Variants in B3GALT1 observed in about 807,000 individuals in gnomAD.
B3GALT1 encodes beta-1,3-galactosyltransferase 1.
B3GALT1 carries 10 observed loss-of-function variants against 23.2 expected under a neutral mutation model. The ratio of observed to expected loss-of-function variants is 0.43; its 90% CI spans 0.27 to 0.73. The LOEUF (loss-of-function observed/expected upper bound fraction) is 0.73. B3GALT1 is among the 30% of genes least tolerant of loss of function. B3GALT1 has a pLI of 0.21. For synonymous variants in B3GALT1, 156 were observed against 141.5 expected (o/e 1.10, Z -0.73); for missense variants, 299 against 405.4 (o/e 0.74, Z 2.25).
At chr2:167,429,490 C>T (rs1698675848) in intron 1 of B3GALT1, among the ~76,000 whole-genome samples, 1 of 151,894 alleles carries the variant, frequency 6.6e-6, no homozygotes, top group Non-Finnish European at 1.5e-5. Context: ...AACCAAGTAT[C>T]TAGAGAAACA....
chr2:167,870,076 G>C lies in B3GALT1; in HGVS notation c.*56G>C. The C allele has an allele frequency of 1.1e-5, 16 of 1,488,170 alleles. No individual in the cohort carries two copies. The highest frequency in any genetic ancestry group is 1.4e-5 in the Non-Finnish European group (16 of 1,112,118). 92.2% of individuals were successfully genotyped at this position (1,488,170 alleles called of 1,614,324 possible). A position where few individuals can be genotyped will look rare whatever the true frequency, so the allele number is the denominator to read the frequency against. ...CTTTTTTTAAGAAATGGGACCTAAG[G>C]TGTTGGTATTTTCCAGGTGTCGGGG... On this transcript the variant is annotated 3_prime_UTR_variant, in exon 5 of 5. Transcript: ENST00000392690.
intron 3 of B3GALT1, among the ~76,000 whole-genome samples, chr2:167,785,893 C>G (rs1688335726): frequency 1.3e-5 from 2 of 152,196 alleles, no homozygotes; most frequent in African/African-American, 4.8e-5. Flanking sequence ...TGACAAAGCT[C>G]TGTTCACCCT....
At chr2:167,379,849 A>G (rs1261406376) in intron 1 of B3GALT1, among the ~76,000 whole-genome samples, 2 of 152,220 alleles carry the variant, frequency 1.3e-5, no homozygotes, top group African/African-American at 4.8e-5. Flanking sequence ...CTTGTCTTCA[A>G]GTTCTCTGCA....
intron 3 of B3GALT1, among the ~76,000 whole-genome samples, chr2:167,691,477 A>T (rs182102462): frequency 2.0e-5 from 3 of 152,316 alleles, no homozygotes; most frequent in Admixed American, 2.0e-4. Flanking sequence ...CACATTTAGT[A>T]AAAATTAATA....
At chr2:167,380,851 A>G (rs1697838536) in intron 1 of B3GALT1, among the ~76,000 whole-genome samples, 1 of 152,008 alleles carries the variant, frequency 6.6e-6, no homozygotes, top group South Asian at 2.1e-4. Context: ...CATCAATCAG[A>G]TGCTATCATG....
chr2:167,461,623 T>G (rs1006770875), intron 1 of B3GALT1, among the ~76,000 whole-genome samples: 33 of 152,124 alleles, frequency 2.2e-4, no homozygotes, highest in African/African-American at 8.0e-4. Context: ...TTATATTTAT[T>G]TGATAATGAA....
At chr2:167,439,169 AT>A (rs1464517764) in intron 1 of B3GALT1, among the ~76,000 whole-genome samples, 1 of 152,180 alleles carries the variant, frequency 6.6e-6, no homozygotes, top group Non-Finnish European at 1.5e-5. Flanking sequence ...TCATTCTTTG[AT>A]ACCTGACATA....
chr2:167,583,265 T>C (rs909754238), intron 2 of B3GALT1, among the ~76,000 whole-genome samples: 2 of 152,220 alleles, frequency 1.3e-5, no homozygotes, highest in Non-Finnish European at 2.9e-5. Context: ...GGGGCAGACA[T>C]TTCTTTTATT....
At chr2:167,781,653 G>A (rs1334855741) in intron 3 of B3GALT1, among the ~76,000 whole-genome samples, 1 of 152,166 alleles carries the variant, frequency 6.6e-6, no homozygotes, top group Non-Finnish European at 1.5e-5. Context: ...TCCCTCTCAG[G>A]CAGGGAATGG....
At chr2:167,556,121 T>A (rs953575185) in intron 2 of B3GALT1, among the ~76,000 whole-genome samples, 2 of 152,098 alleles carry the variant, frequency 1.3e-5, no homozygotes, top group African/African-American at 4.8e-5. Context: ...AGCATCACAT[T>A]TTCAATGGTA....
intron 2 of B3GALT1, among the ~76,000 whole-genome samples, chr2:167,545,102 T>A (rs1683610196): frequency 7.6e-6 from 1 of 132,052 alleles, no homozygotes; most frequent in Admixed American, 8.9e-5. Context: ...TGGCACGATC[T>A]CTACTCACTG....
chr2:167,691,440 ATAAT>A (rs994224709), intron 3 of B3GALT1, among the ~76,000 whole-genome samples: 2 of 152,178 alleles, frequency 1.3e-5, no homozygotes, highest in Non-Finnish European at 2.9e-5. Context: ...ATCAAAACAT[ATAAT>A]TAAAGGTTTA....
intron 3 of B3GALT1, among the ~76,000 whole-genome samples, chr2:167,738,161 G>A (rs890068175): frequency 2.0e-5 from 3 of 152,140 alleles, no homozygotes; most frequent in Non-Finnish European, 4.4e-5. Flanking sequence ...GACAGACAAG[G>A]TTGTAAGAAA....
At chr2:167,421,851 C>CCA (rs890536123) in intron 1 of B3GALT1, among the ~76,000 whole-genome samples, 1 of 152,114 alleles carries the variant, frequency 6.6e-6, no homozygotes, top group Admixed American at 6.6e-5. Flanking sequence ...ATGAAAAGAT[C>CCA]CACAGTCTTA....
chr2:167,657,525 T>G (rs1205665899), intron 3 of B3GALT1, among the ~76,000 whole-genome samples: 1 of 152,122 alleles, frequency 6.6e-6, no homozygotes, highest in Admixed American at 6.6e-5. Context: ...TACATCTGCT[T>G]GTAATTCACA....
intron 3 of B3GALT1, among the ~76,000 whole-genome samples, chr2:167,793,256 T>A (rs1688478026): frequency 6.6e-6 from 1 of 152,130 alleles, no homozygotes; most frequent in Non-Finnish European, 1.5e-5. Flanking sequence ...CACCTAGTGC[T>A]TCTTTTTCAG....
intron 3 of B3GALT1, among the ~76,000 whole-genome samples, chr2:167,705,571 A>G (rs1042476091): frequency 6.6e-6 from 1 of 152,214 alleles, no homozygotes; most frequent in Non-Finnish European, 1.5e-5. Flanking sequence ...ACCTCATAAA[A>G]TAAAACTGAT....
At chr2:167,743,357 G>C (rs1013793255) in intron 3 of B3GALT1, among the ~76,000 whole-genome samples, 1 of 152,038 alleles carries the variant, frequency 6.6e-6, no homozygotes, top group Non-Finnish European at 1.5e-5. Context: ...CATCAGCATT[G>C]AGCCTCAAGA....
At chr2:167,708,778 T>G (rs1232250557) in intron 3 of B3GALT1, among the ~76,000 whole-genome samples, 1 of 152,200 alleles carries the variant, frequency 6.6e-6, no homozygotes, top group Non-Finnish European at 1.5e-5. Flanking sequence ...TACACCAAGC[T>G]TATTGATGTG....
Sources: gnomAD v4.1 joint callset for allele counts (sites outside exome capture counted in the v4.1 genomes callset) on GRCh38, gnomAD v4.1.1 for gene constraint, MANE v1.5 for transcripts, NCBI Gene and HGNC (gene_info 2026-07-23, HGNC 2026-07-21) for gene names.